The following SRPK2 variants were observed in gnomAD, a reference collection of about 807,000 sequenced individuals.
The protein encoded by SRPK2 is SRSF protein kinase 2.
Under a neutral mutation model 90.8 loss-of-function variants are expected in SRPK2, and 21 were observed. The observed-to-expected ratio is 0.23, with a 90% CI of 0.16 to 0.33. The LOEUF is 0.33. SRPK2 is among the 10% of genes least tolerant of loss of function. The probability of loss-of-function intolerance (pLI) is 1.00; values close to 1 mark genes in which losing one functional copy is unlikely to be tolerated. For missense variants in SRPK2, 620 were observed against 869.0 expected, an observed-to-expected ratio of 0.71 and a Z score of 3.60; for synonymous variants, 288 against 311.1, an observed-to-expected ratio of 0.93 and a Z score of 0.78.
chr7:105,116,168 T>C (rs1799612256), downstream of SRPK2, among the ~76,000 whole-genome samples: 1 of 152,186 alleles, frequency 6.6e-6, no homozygotes, highest in African/African-American at 2.4e-5. Context: ...ATTGATATTC[T>C]AGAGAATCAA....
intron 2 of SRPK2, among the ~76,000 whole-genome samples, chr7:105,275,661 C>T (rs1806388325): frequency 6.6e-6 from 1 of 152,186 alleles, no homozygotes; most frequent in African/African-American, 2.4e-5. Context: ...AGCACTAAGC[C>T]AAGCCCCTGG....
At chr7:105,210,383 C>T (rs1260913771) in intron 2 of SRPK2, among the ~76,000 whole-genome samples, 1 of 152,148 alleles carries the variant, frequency 6.6e-6, no homozygotes, top group African/African-American at 2.4e-5. Flanking sequence ...CCCTTCCTCC[C>T]TCCCTCCTTC....
At chr7:105,254,589 A>G (rs1459462818) in intron 2 of SRPK2, among the ~76,000 whole-genome samples, 2 of 152,210 alleles carry the variant, frequency 1.3e-5, no homozygotes, top group Non-Finnish European at 2.9e-5. Context: ...ATAAAATGCC[A>G]GTTTGAAAAT....
chr7:105,370,612 CT>C (rs1242263115), intron 2 of SRPK2, among the ~76,000 whole-genome samples: 1 of 126,218 alleles, frequency 7.9e-6, no homozygotes, highest in Non-Finnish European at 1.8e-5. Context: ...AATTTTTTTT[CT>C]TTCTTTTTTT....
At chr7:105,380,947 T>TAAAAAA (rs869039181) in intron 2 of SRPK2, among the ~76,000 whole-genome samples, 1 of 104,144 alleles carries the variant, frequency 9.6e-6, no homozygotes, top group Non-Finnish European at 1.9e-5. Context: ...TTTATTACTT[T>TAAAAAA]AAAAAAAAAA....
chr7:105,287,335 A>G (rs1466068834), intron 2 of SRPK2, among the ~76,000 whole-genome samples: 1 of 151,852 alleles, frequency 6.6e-6, no homozygotes, highest in Non-Finnish European at 1.5e-5. Context: ...TATCCAAAAC[A>G]TAACTCTCAC....
At chr7:105,208,744 G>C (rs2129611764) in intron 2 of SRPK2, among the ~76,000 whole-genome samples, 1 of 152,232 alleles carries the variant, frequency 6.6e-6, no homozygotes, top group South Asian at 2.1e-4. Flanking sequence ...ACAATTCTGT[G>C]AACATAATAA....
intron 3 of SRPK2, among the ~76,000 whole-genome samples, chr7:105,191,447 T>A (rs1794267887): frequency 6.6e-6 from 1 of 152,146 alleles, no homozygotes; most frequent in African/African-American, 2.4e-5. Context: ...GATGCAGACC[T>A]GTAGTCCCAG....
At chr7:105,163,247 A>G (rs1044015502) in intron 6 of SRPK2, among the ~76,000 whole-genome samples, 2 of 152,208 alleles carry the variant, frequency 1.3e-5, no homozygotes, top group African/African-American at 2.4e-5. Flanking sequence ...CACTCGCAAG[A>G]TAAGACATCA....
At chr7:105,243,960 G>A (rs1421658248) in intron 2 of SRPK2, among the ~76,000 whole-genome samples, 1 of 152,200 alleles carries the variant, frequency 6.6e-6, no homozygotes, top group Non-Finnish European at 1.5e-5. Context: ...TCCCAACTCT[G>A]CCATTAATAA....
At chr7:105,119,842 AATTACG>A (rs1800074335) in intron 15 of SRPK2, among the ~76,000 whole-genome samples, 1 of 152,204 alleles carries the variant, frequency 6.6e-6, no homozygotes, top group Non-Finnish European at 1.5e-5. Context: ...GTACTCGCAA[AATTACG>A]AAGAGCCAGT....
intron 6 of SRPK2, among the ~76,000 whole-genome samples, chr7:105,162,673 T>C (rs1182692231): frequency 6.6e-6 from 1 of 152,232 alleles, no homozygotes; most frequent in Non-Finnish European, 1.5e-5. Flanking sequence ...TTTCTTACTA[T>C]TTCCCAGGCT....
At chr7:105,229,873 C>T (rs953973527) in intron 2 of SRPK2, among the ~76,000 whole-genome samples, 2 of 152,150 alleles carry the variant, frequency 1.3e-5, no homozygotes, top group Non-Finnish European at 2.9e-5. Flanking sequence ...GGATCTAGTC[C>T]AGGAATCAAG....
intron 2 of SRPK2, among the ~76,000 whole-genome samples, chr7:105,211,170 A>G (rs1252688675): frequency 6.6e-6 from 1 of 152,178 alleles, no homozygotes; most frequent in Non-Finnish European, 1.5e-5. Flanking sequence ...GAAAGTGAAT[A>G]CACTGCCAAG....
At chr7:105,187,598 T>C (rs1436856708) in intron 3 of SRPK2, among the ~76,000 whole-genome samples, 3 of 152,190 alleles carry the variant, frequency 2.0e-5, no homozygotes. Flanking sequence ...TATTAAATCC[T>C]TCCGTCTTGA....
At chr7:105,317,597 G>A (rs1211789074) in intron 2 of SRPK2, among the ~76,000 whole-genome samples, 1 of 152,118 alleles carries the variant, frequency 6.6e-6, no homozygotes, top group African/African-American at 2.4e-5. Context: ...AAGAACACAG[G>A]ATGGGGTTGA....
chr7:105,269,409 C>A (rs1236884943), intron 2 of SRPK2, among the ~76,000 whole-genome samples: 1 of 152,120 alleles, frequency 6.6e-6, no homozygotes, highest in Non-Finnish European at 1.5e-5. Flanking sequence ...GTTTTAATTT[C>A]TTGATTGTGT....
intron 2 of SRPK2, among the ~76,000 whole-genome samples, chr7:105,309,587 A>G (rs1454078081): frequency 6.6e-6 from 1 of 152,198 alleles, no homozygotes; most frequent in Non-Finnish European, 1.5e-5. Flanking sequence ...CAAAAACACC[A>G]ATCTGTGGCA....
At chr7:105,166,389 C>T (rs1465127774) in intron 6 of SRPK2, among the ~76,000 whole-genome samples, 2 of 152,054 alleles carry the variant, frequency 1.3e-5, no homozygotes, top group African/African-American at 4.8e-5. Context: ...ATCAAGAACC[C>T]GTTAATGTCT....
Sources: gnomAD v4.1 joint callset for allele counts (sites outside exome capture counted in the v4.1 genomes callset) on GRCh38, gnomAD v4.1.1 for gene constraint, MANE v1.5 for transcripts, NCBI Gene and HGNC (gene_info 2026-07-23, HGNC 2026-07-21) for gene names.